The following SYCP2L variants were observed in gnomAD, a reference collection of about 807,000 sequenced individuals.
The protein encoded by SYCP2L is synaptonemal complex protein 2 like.
Under a neutral mutation model 125.8 loss-of-function variants are expected in SYCP2L, and 98 were observed. The ratio of observed to expected loss-of-function variants is 0.78; its 90% CI spans 0.66 to 0.92. The LOEUF (loss-of-function observed/expected upper bound fraction) is 0.92, where lower values mean the gene tolerates loss of function less well. Among genes scored for constraint, SYCP2L ranks in the 40% least tolerant of loss-of-function variants. SYCP2L has a pLI of 0.00. For missense variants in SYCP2L, 842 were observed against 936.4 expected, an observed-to-expected ratio of 0.90 and a Z score of 1.32; for synonymous variants, 317 against 325.4, an observed-to-expected ratio of 0.97 and a Z score of 0.28.
chr6:10,956,315 A>G, intron 25 of SYCP2L, 73 bp downstream of exon 25: 1 of 1,112,670 alleles, frequency 9.0e-7, no homozygotes, highest in Non-Finnish European at 1.3e-6. Flanking sequence ...GAAATAAGCC[A>G]GACAGTACCA....
intron 29 of SYCP2L, among the ~76,000 whole-genome samples, chr6:10,968,121 C>T (rs1021553645): frequency 2.6e-5 from 4 of 152,066 alleles, no homozygotes; most frequent in Non-Finnish European, 5.9e-5. Context: ...ATAAAATTGT[C>T]CAGGTAAGCA....
chr6:10,963,934 A>G, intron 29 of SYCP2L, 91 bp downstream of exon 29: 4 of 907,522 alleles, frequency 4.4e-6, no homozygotes, highest in Non-Finnish European at 6.7e-6. Flanking sequence ...CTTTGTTCAT[A>G]TGACATTTCT....
chr6:10,898,550 A>G (rs1581816541), intron 5 of SYCP2L, among the ~76,000 whole-genome samples: 1 of 152,204 alleles, frequency 6.6e-6, no homozygotes, highest in Admixed American at 6.5e-5. Flanking sequence ...TTATTAGAAT[A>G]TTATTAATAT....
In SYCP2L at chr6:10,956,146, C is replaced by T. The variant is rs1366414891; in HGVS notation, c.2067C>T (p.Ser689=). 6.2e-7 allele frequency: 1 copy of T among 1,613,102 alleles called. No individual in the cohort carries two copies. The highest frequency in any genetic ancestry group is 2.2e-5 in the East Asian group (1 of 44,856). ...GTTTTTGTTTTCCAGAAGGAATTTC[C>T]ACTTCATCCCTAGAAGTTGTGCCAG... The part of the protein sequence containing the change: ...TEERELPEGI[S]TSSLEVVPEN... Residue 689 remains serine, a synonymous_variant, in exon 25 of 30, where the codon TCC becomes TCT. Coordinates refer to ENST00000283141, the MANE Select transcript of SYCP2L (RefSeq NM_001040274.3).
chr6:10,931,485 A>T lies in SYCP2L; in HGVS notation c.1679A>T (p.Asp560Val), dbSNP rs769014194. The stretch of plus-strand genomic sequence containing the variant: ...AGTAGTGGCAGTGGCCATGAGAAAG[A>T]CCAAGTAAGTACATTGTATCTGGGT... ...PPSSGSGHEK[D>V]QAKLLSPSEK... The change falls in exon 20 of 30, where the codon GAC becomes GTC. Residue 560 changes from aspartate to valine, a missense_variant. Physicochemically the swap from Asp to Val is radical, Grantham distance 152. Transcript: ENST00000283141. 1.2e-6 allele frequency: 2 copies of T among 1,614,124 alleles called. No homozygotes were observed.
At chr6:10,894,612 C>G (rs1419365755) in intron 4 of SYCP2L, among the ~76,000 whole-genome samples, 1 of 152,126 alleles carries the variant, frequency 6.6e-6, no homozygotes, top group Non-Finnish European at 1.5e-5. Flanking sequence ...CTCACTTTAT[C>G]CATTTTCTAA....
At chr6:10,965,705 A>C (rs548636494) in intron 29 of SYCP2L, among the ~76,000 whole-genome samples, 1 of 152,368 alleles carries the variant, frequency 6.6e-6, no homozygotes, top group East Asian at 1.9e-4. Flanking sequence ...TGCTGCTCAA[A>C]CCATTCTAGC....
intron 6 of SYCP2L, among the ~76,000 whole-genome samples, chr6:10,899,276 G>T (rs574999600): frequency 6.6e-6 from 1 of 152,322 alleles, no homozygotes; most frequent in East Asian, 1.9e-4. Flanking sequence ...TGCTGGGTGT[G>T]GTGGCTCACG....
intron 14 of SYCP2L, among the ~76,000 whole-genome samples, chr6:10,921,958 G>C (rs763410731): frequency 1.3e-5 from 2 of 152,022 alleles, no homozygotes; most frequent in East Asian, 3.9e-4. Context: ...TGCCCGCCTC[G>C]GCCTCCCAAA....
At chr6:10,943,202 G>A (rs915636782) in intron 23 of SYCP2L, among the ~76,000 whole-genome samples, 3 of 152,144 alleles carry the variant, frequency 2.0e-5, no homozygotes, top group Admixed American at 6.5e-5. Flanking sequence ...AAGATTTCCA[G>A]TCTGGTTCAC....
intron 29 of SYCP2L, among the ~76,000 whole-genome samples, chr6:10,964,740 A>G (rs1444146252): frequency 6.6e-6 from 1 of 152,206 alleles, no homozygotes; most frequent in Non-Finnish European, 1.5e-5. Flanking sequence ...AAACAAAACA[A>G]TGACAACAAG....
intron 26 of SYCP2L, among the ~76,000 whole-genome samples, chr6:10,959,157 T>C (rs1219985542): frequency 2.0e-5 from 3 of 152,224 alleles, no homozygotes; most frequent in Non-Finnish European, 4.4e-5. Context: ...TGGAAATATA[T>C]GTTAAAAATA....
Position 10,942,619 on chromosome 6 carries a change from C to T in SYCP2L, c.1885-58C>T, listed in dbSNP as rs1781244166. The T allele has an allele frequency of 8.8e-6, 14 of 1,597,914 alleles. 1 individual carries two copies. The South Asian group carries it at 1.1e-4, about 13-fold the overall frequency. On this transcript the variant is annotated intron_variant, in intron 22 of 29. Coordinates refer to ENST00000283141, the MANE Select transcript of SYCP2L (RefSeq NM_001040274.3). ...TTGGCTATTCCTTCTGACGAGTACA[C>T]CACTTGTTTCTTGCTTTGCCATAAA...
In SYCP2L at chr6:10,942,852, C is replaced by T. The variant is rs1781248560; in HGVS notation, c.1954+106C>T. ...AGATTGCAGATCAAGTCACTTTGCACAGTGACTATTGCCAGGCCGTGGAGG... is the reference window on the plus strand; with the variant it reads ...AGATTGCAGATCAAGTCACTTTGCATAGTGACTATTGCCAGGCCGTGGAGG... On this transcript the variant is annotated intron_variant, in intron 23 of 29. Transcript: ENST00000283141. 13 of 1,005,314 alleles carry T rather than the reference C, an allele frequency of 1.3e-5. No individual in the cohort carries two copies. The South Asian group carries it at 2.0e-4, about 16-fold the overall frequency. The allele number at this position is 1,005,314 out of a possible 1,614,324, so 62.3% of individuals were successfully genotyped here. A position where few individuals can be genotyped will look rare whatever the true frequency, so the allele number is the denominator to read the frequency against.
In SYCP2L at chr6:10,955,937, C is replaced by A. The variant is rs1044031507; in HGVS notation, c.2057-199C>A. On this transcript the variant is annotated intron_variant, in intron 24 of 29. Coordinates refer to ENST00000283141, the MANE Select transcript of SYCP2L (RefSeq NM_001040274.3). ...TGCTTCTTAGACAAAATGTCAGTTG[C>A]CCCGATTTAAAGTGCTGGGAAGATA... is the stretch of plus-strand genomic sequence containing the variant. 3.3e-5 allele frequency among the ~76,000 whole-genome samples: 5 copies of A among 152,132 alleles called. No homozygotes were observed. The East Asian group carries it at 7.7e-4, about 23-fold the overall frequency.
At chr6:10,903,847 G>A (rs929453738) in intron 8 of SYCP2L, among the ~76,000 whole-genome samples, 3 of 151,332 alleles carry the variant, frequency 2.0e-5, no homozygotes, top group Non-Finnish European at 2.9e-5. Context: ...TTGCTTCAAC[G>A]TTGTGAGGCA....
chr6:10,914,775 C>T (rs1314252921), intron 14 of SYCP2L, among the ~76,000 whole-genome samples: 9 of 133,326 alleles, frequency 6.8e-5, no homozygotes, highest in Non-Finnish European at 9.2e-5. Flanking sequence ...TGGAGTCTTA[C>T]TCTGTCACCC....
At chr6:10,888,000 C>CTAAGAACAT (rs1780105781) in intron 1 of SYCP2L, among the ~76,000 whole-genome samples, 1 of 145,126 alleles carries the variant, frequency 6.9e-6, no homozygotes, top group Non-Finnish European at 1.5e-5. Context: ...AGGCACTATG[C>CTAAGAACAT]TAAGAACATT....
intron 10 of SYCP2L, among the ~76,000 whole-genome samples, chr6:10,908,980 T>C (rs1362687904): frequency 1.3e-5 from 2 of 152,246 alleles, no homozygotes; most frequent in Non-Finnish European, 2.9e-5. Flanking sequence ...AGGGCTGTTG[T>C]AGGCGCTCAC....
Sources: gnomAD v4.1 joint callset for allele counts (sites outside exome capture counted in the v4.1 genomes callset) on GRCh38, gnomAD v4.1.1 for gene constraint, MANE v1.5 for transcripts, NCBI Gene and HGNC (gene_info 2026-07-23, HGNC 2026-07-21) for gene names.